SHANK2: variants seen among roughly 807,000 people sequenced by gnomAD.
The protein encoded by SHANK2 is SH3 and multiple ankyrin repeat domains protein 2.
A neutral mutation model predicts 133.7 loss-of-function variants in SHANK2; 43 were observed. The observed-to-expected ratio is 0.32, with a 90% CI of 0.25 to 0.41. The LOEUF is 0.41. SHANK2 is among the 10% of genes least tolerant of loss of function. SHANK2 has a pLI of 1.00. For synonymous variants in SHANK2, 1,017 were observed against 952.8 expected (o/e 1.07, Z -1.24); for missense variants, 1,994 against 2,235.8 (o/e 0.89, Z 2.18).
chr11:70,828,687 C>G (rs1948682492), intron 11 of SHANK2, among the ~76,000 whole-genome samples: 1 of 152,228 alleles, frequency 6.6e-6, no homozygotes, highest in Non-Finnish European at 1.5e-5. Flanking sequence ...GCTGCCTGCC[C>G]TGGCTGGCGA....
At chr11:70,643,942 A>G (rs2061223901) in intron 17 of SHANK2, among the ~76,000 whole-genome samples, 2 of 146,986 alleles carry the variant, frequency 1.4e-5, no homozygotes, top group South Asian at 4.4e-4. Context: ...ACAGAGGGGC[A>G]GAGGAGATCT....
intron 11 of SHANK2, among the ~76,000 whole-genome samples, chr11:70,841,569 C>A (rs1948905364): frequency 6.6e-6 from 1 of 152,240 alleles, no homozygotes; most frequent in South Asian, 2.1e-4. Context: ...CCCTGTGGTG[C>A]CACATTCCAG....
intron 17 of SHANK2, among the ~76,000 whole-genome samples, chr11:70,523,165 G>T (rs1249598285): frequency 6.6e-6 from 1 of 152,192 alleles, no homozygotes; most frequent in African/African-American, 2.4e-5. Flanking sequence ...TTCTGCATCT[G>T]CCCGGGCCAG....
chr11:70,629,672 G>A lies in SHANK2; in HGVS notation c.2061+30156C>T, dbSNP rs184149359. The stretch of plus-strand genomic sequence containing the variant: ...CAGCTCCAAGCCGGGGAGAGGGGGT[G>A]CTGCCGTCAGGAAGGTGCCACCTGG... On this transcript the variant is annotated intron_variant, in intron 17 of 25. Transcript: ENST00000601538. Among the ~76,000 whole-genome samples the A allele has an allele frequency of 1.4e-3, 214 of 152,278 alleles. 4 individuals carry two copies. The East Asian group carries it at 0.03, about 21-fold the overall frequency.
chr11:70,792,419 C>T (rs1947814662), intron 14 of SHANK2, among the ~76,000 whole-genome samples: 1 of 151,914 alleles, frequency 6.6e-6, no homozygotes, highest in Non-Finnish European at 1.5e-5. Context: ...AACCAACCAA[C>T]CAACCAACCA....
intron 8 of SHANK2, among the ~76,000 whole-genome samples, chr11:71,081,644 G>A (rs1951302628): frequency 6.6e-6 from 1 of 152,192 alleles, no homozygotes; most frequent in Admixed American, 6.5e-5. Flanking sequence ...TGACTGGGAA[G>A]GCAGGTACTC....
chr11:70,562,388 G>A lies in SHANK2; in HGVS notation c.2062-59457C>T, dbSNP rs927216972. Among the ~76,000 whole-genome samples the A allele has an allele frequency of 5.9e-5, 9 of 152,132 alleles. No individual in the cohort carries two copies. In the South Asian group the frequency reaches 1.7e-3, roughly 28 times the overall value. On this transcript the variant is annotated intron_variant, in intron 17 of 25. Coordinates refer to ENST00000601538, the MANE Select transcript of SHANK2 (RefSeq NM_012309.5). ...TACAGAAGGAGAAGTGATTATACTT[G>A]TAGTTTTATTTATTTTTCCTTGCAG...
intron 1 of SHANK2, among the ~76,000 whole-genome samples, chr11:71,225,707 T>C (rs1236940131): frequency 2.0e-5 from 3 of 151,266 alleles, no homozygotes; most frequent in Admixed American, 6.6e-5. Context: ...TGACAAAGAG[T>C]TGAAAGCAAC....
intron 14 of SHANK2, among the ~76,000 whole-genome samples, chr11:70,794,579 T>C (rs1206168055): frequency 2.0e-4 from 31 of 152,164 alleles, no homozygotes; most frequent in Admixed American, 1.8e-3. Context: ...TTTTTTGAGA[T>C]GGAGTTTTGC....
intron 25 of SHANK2, among the ~76,000 whole-genome samples, chr11:70,478,717 G>A (rs1480373274): frequency 6.6e-6 from 1 of 152,312 alleles, no homozygotes; most frequent in East Asian, 1.9e-4. Context: ...GCCATGAGGG[G>A]GTCCTGGTCT....
At chr11:70,699,679 A>T (rs1211067390) in intron 14 of SHANK2, among the ~76,000 whole-genome samples, 2 of 152,234 alleles carry the variant, frequency 1.3e-5, no homozygotes, top group Non-Finnish European at 2.9e-5. Flanking sequence ...TCAAAAGTAA[A>T]TAAGGGAATT....
intron 11 of SHANK2, among the ~76,000 whole-genome samples, chr11:70,895,213 G>T (rs1265155562): frequency 6.6e-6 from 1 of 152,230 alleles, no homozygotes; most frequent in African/African-American, 2.4e-5. Flanking sequence ...GGTTCTCCAA[G>T]GCGGGGTAGG....
intron 14 of SHANK2, among the ~76,000 whole-genome samples, chr11:70,734,529 A>G (rs535738139): frequency 1.6e-4 from 25 of 152,308 alleles, no homozygotes; most frequent in African/African-American, 3.8e-4. Flanking sequence ...AGCCCAGCGG[A>G]CACAGAGCCC....
At chr11:70,693,737 G>A (rs1945335386) in intron 15 of SHANK2, among the ~76,000 whole-genome samples, 1 of 152,182 alleles carries the variant, frequency 6.6e-6, no homozygotes, top group African/African-American at 2.4e-5. Context: ...ACAGATGAAT[G>A]CAGTGGTTGG....
intron 21 of SHANK2, chr11:70,496,899 C>G: frequency 2.2e-6 from 1 of 453,872 alleles, no homozygotes; most frequent in South Asian, 1.6e-5. Context: ...ACAGTCGCCA[C>G]ATCAGAGGGT....
At chr11:71,184,035 G>C (rs782649706) in intron 2 of SHANK2, among the ~76,000 whole-genome samples, 2 of 152,162 alleles carry the variant, frequency 1.3e-5, no homozygotes, top group African/African-American at 4.8e-5. Context: ...GCACTAACTA[G>C]AGCCCCTGGG....
At chr11:70,734,799 C>A (rs1946366977) in intron 14 of SHANK2, among the ~76,000 whole-genome samples, 1 of 152,226 alleles carries the variant, frequency 6.6e-6, no homozygotes, top group East Asian at 1.9e-4. Flanking sequence ...CCCCGAGGGC[C>A]TACCCAGCAA....
chr11:70,504,435 C>T (rs929175180), intron 17 of SHANK2, among the ~76,000 whole-genome samples: 16 of 129,638 alleles, frequency 1.2e-4, no homozygotes, highest in African/African-American at 4.1e-4. Flanking sequence ...CCAGGCAGGG[C>T]TGCGAGGAGC....
chr11:70,600,418 C>CAAAAAAAAAAAAAAAA (rs56103044), intron 17 of SHANK2, among the ~76,000 whole-genome samples: 17 of 95,454 alleles, frequency 1.8e-4, no homozygotes, highest in Middle Eastern at 5.2e-3. Context: ...GACTCTGTCT[C>CAAAAAAAAAAAAAAAA]AAAAAAAAAA....
Sources: allele counts gnomAD v4.1 joint callset (sites outside exome capture counted in the v4.1 genomes callset), GRCh38; gene constraint gnomAD v4.1.1; transcripts MANE v1.5; gene names NCBI Gene and HGNC (gene_info 2026-07-23, HGNC 2026-07-21).